PARD3B: variants seen among roughly 807,000 people sequenced by gnomAD.
PARD3B encodes partitioning defective 3 homolog B.
PARD3B carries 103 observed loss-of-function variants against 130.2 expected under a neutral mutation model. The observed-to-expected ratio is 0.79, with a 90% CI of 0.67 to 0.93. The LOEUF is 0.93. Ranked by LOEUF, PARD3B falls within the 40% of genes least tolerant of loss-of-function variation. The pLI, the probability that PARD3B is intolerant of heterozygous loss-of-function variation, is 0.00. For missense variants in PARD3B, 1,609 were observed against 1,499.2 expected (o/e 1.07, Z -1.21); for synonymous variants, 583 against 553.2 (o/e 1.05, Z -0.76).
At chr2:205,493,716 TTATGTATG>T (rs769621111) in intron 20 of PARD3B, among the ~76,000 whole-genome samples, 4,602 of 29,962 alleles carry the variant, frequency 0.15, 179 homozygotes, top group East Asian at 0.38. Context: ...TTCTTTTCAT[TTATGTATG>T]TATTTATTTA....
rs11323444 is a variant in PARD3B at position 204,585,499 on chromosome 2, C to CT, written c.120+39397dup. Among the ~76,000 whole-genome samples, 786 of 136,810 alleles carry CT rather than the reference C, an allele frequency of 5.7e-3. 5 individuals carry two copies. The highest frequency in any genetic ancestry group is 0.02 in the Middle Eastern group (5 of 254). 89.8% of individuals were successfully genotyped at this position (136,810 alleles called of 152,430 possible). ...CAGGTGGATGCCACCATGCCTGGCT[C>CT]TTTTTTTTTTTTTTTTTAATTTTTT... On this transcript the variant is annotated intron_variant, in intron 1 of 22. Transcript: ENST00000406610.
chr2:204,742,525 G>A (rs976480354), intron 2 of PARD3B, among the ~76,000 whole-genome samples: 37 of 152,182 alleles, frequency 2.4e-4, no homozygotes, highest in Admixed American at 2.4e-3. Context: ...CACTGGGGCA[G>A]CTGAGTGAGA....
intron 5 of PARD3B, among the ~76,000 whole-genome samples, chr2:205,106,329 A>T (rs1353511415): frequency 6.6e-6 from 1 of 151,856 alleles, no homozygotes; most frequent in Non-Finnish European, 1.5e-5. Flanking sequence ...TTGTATTTAT[A>T]GCAGAGACAG....
At chr2:204,908,047 T>C (rs2047098454) in intron 2 of PARD3B, among the ~76,000 whole-genome samples, 1 of 152,144 alleles carries the variant, frequency 6.6e-6, no homozygotes, top group Non-Finnish European at 1.5e-5. Context: ...TTAACACCCA[T>C]TGGATTCACT....
At chr2:204,886,041 C>T (rs2046260261) in intron 2 of PARD3B, among the ~76,000 whole-genome samples, 1 of 152,150 alleles carries the variant, frequency 6.6e-6, no homozygotes, top group African/African-American at 2.4e-5. Context: ...CTCAGTTTCC[C>T]ATCGTTATTT....
At chr2:205,319,419 T>A (rs974335196) in intron 18 of PARD3B, among the ~76,000 whole-genome samples, 1 of 152,198 alleles carries the variant, frequency 6.6e-6, no homozygotes, top group African/African-American at 2.4e-5. Context: ...ACCCTATACA[T>A]CCACAGTTGT....
intron 14 of PARD3B, among the ~76,000 whole-genome samples, chr2:205,189,671 T>C (rs2036288288): frequency 6.6e-6 from 1 of 152,140 alleles, no homozygotes; most frequent in Non-Finnish European, 1.5e-5. Context: ...TTACAAACCG[T>C]TTTACTAGTC....
intron 21 of PARD3B, among the ~76,000 whole-genome samples, chr2:205,518,910 C>T (rs1260417250): frequency 6.6e-6 from 1 of 152,180 alleles, no homozygotes; most frequent in Non-Finnish European, 1.5e-5. Context: ...TGAATATAGG[C>T]TGCCAAACTC....
chr2:204,809,785 A>G (rs2042900335), intron 2 of PARD3B, among the ~76,000 whole-genome samples: 2 of 152,074 alleles, frequency 1.3e-5, no homozygotes, highest in African/African-American at 4.8e-5. Context: ...GAAGAATGTC[A>G]TTGGTAGTTT....
chr2:204,596,186 C>CT (rs990009524), intron 1 of PARD3B, among the ~76,000 whole-genome samples: 6 of 152,104 alleles, frequency 3.9e-5, no homozygotes, highest in African/African-American at 1.2e-4. Context: ...TGATTTCCTC[C>CT]TTTTTTGCTT....
At chr2:204,882,515 T>C (rs2046094093) in intron 2 of PARD3B, among the ~76,000 whole-genome samples, 1 of 152,198 alleles carries the variant, frequency 6.6e-6, no homozygotes, top group South Asian at 2.1e-4. Flanking sequence ...CCTCTTTTAT[T>C]TACCTCCCCT....
At chr2:205,090,140 C>A (rs1004519000) in intron 4 of PARD3B, among the ~76,000 whole-genome samples, 4 of 152,200 alleles carry the variant, frequency 2.6e-5, no homozygotes, top group African/African-American at 9.7e-5. Context: ...ATGTGCTTTT[C>A]TGTGCAACCC....
intron 20 of PARD3B, among the ~76,000 whole-genome samples, chr2:205,448,047 T>G (rs1254482487): frequency 6.6e-6 from 1 of 152,220 alleles, no homozygotes; most frequent in Non-Finnish European, 1.5e-5. Context: ...TGCTTAGCAC[T>G]GGCCTTAAGA....
At chr2:205,086,712 T>C (rs1701762998) in intron 4 of PARD3B, among the ~76,000 whole-genome samples, 1 of 152,224 alleles carries the variant, frequency 6.6e-6, no homozygotes, top group Non-Finnish European at 1.5e-5. Context: ...CCAGTCAACA[T>C]AGGGTCTAAT....
At chr2:204,891,070 A>G (rs1447927811) in intron 2 of PARD3B, among the ~76,000 whole-genome samples, 2 of 151,700 alleles carry the variant, frequency 1.3e-5, no homozygotes, top group African/African-American at 4.8e-5. Context: ...AAACTGTATT[A>G]TATTCTCTTT....
rs545534163 is a variant in PARD3B, at chr2:204,886,739, G to A, written c.223-78413G>A. Among the ~76,000 whole-genome samples the A allele has an allele frequency of 2.0e-4, 30 of 152,246 alleles. No individual in the cohort carries two copies. In the South Asian group the frequency reaches 6.2e-3, roughly 32 times the overall value. ...AGTTCTAACAGAGCCCCATAAAAAC[G>A]ATTTGGTTCAGTTTGGGCTACCTGG... On this transcript the variant is annotated intron_variant, in intron 2 of 22. Transcript: ENST00000406610.
In PARD3B at chr2:205,118,973, G is replaced by A. The variant is rs776220094; in HGVS notation, c.733G>A (p.Glu245Lys). The A allele has an allele frequency of 1.0e-4, 168 of 1,612,532 alleles. No homozygotes were observed. Among genetic ancestry groups the A allele is most frequent in the Non-Finnish European group, 1.4e-4 (163 of 1,179,438 alleles). Residue 245 changes from glutamate (E) to lysine (K), a missense_variant, in exon 7 of 23, where the codon GAG (glutamate) becomes AAG (lysine). By Grantham distance (56) the Glu-to-Lys change is moderately conservative (BLOSUM62 1). Coordinates refer to ENST00000406610, the MANE Select transcript of PARD3B (RefSeq NM_001302769.2). ...GIEDNSRSKR[E>K]GLFHENECIV... Reference sequence around the variant, plus strand: ...TGAAGACAACAGCAGGTCCAAGCGGGAGGGACTATTTCACGAAAATGAATG... The same window carrying A: ...TGAAGACAACAGCAGGTCCAAGCGGAAGGGACTATTTCACGAAAATGAATG...
intron 3 of PARD3B, among the ~76,000 whole-genome samples, chr2:205,037,656 A>G (rs959539802): frequency 7.0e-6 from 1 of 142,026 alleles, no homozygotes; most frequent in African/African-American, 2.6e-5. Flanking sequence ...ATAGTGGACT[A>G]TATATAATGT....
chr2:205,481,388 G>A (rs1274381893), intron 20 of PARD3B, among the ~76,000 whole-genome samples: 2 of 152,088 alleles, frequency 1.3e-5, no homozygotes, highest in Non-Finnish European at 2.9e-5. Context: ...ATTGTCACAG[G>A]GAATTCCATG....
Sources: gnomAD v4.1 joint callset for allele counts (sites outside exome capture counted in the v4.1 genomes callset) on GRCh38, gnomAD v4.1.1 for gene constraint, MANE v1.5 for transcripts, NCBI Gene and HGNC (gene_info 2026-07-23, HGNC 2026-07-21) for gene names.